Variants in PKP2 observed in about 807,000 individuals in gnomAD.
PKP2 encodes plakophilin-2.
In PKP2, 73 loss-of-function variants were observed where a neutral mutation model predicts 83.4. The observed-to-expected ratio is 0.88, with a 90% CI of 0.72 to 1.06. PKP2 has a LOEUF of 1.06. Ranked by LOEUF, PKP2 falls within the 50% of genes least tolerant of loss-of-function variation. The pLI, the probability that PKP2 is intolerant of heterozygous loss-of-function variation, is 0.00. For synonymous variants in PKP2, 409 were observed against 430.4 expected, an observed-to-expected ratio of 0.95 and a Z score of 0.62; for missense variants, 966 against 1,065.4, an observed-to-expected ratio of 0.91 and a Z score of 1.30.
Position 32,792,271 on chromosome 12 carries a change from A to C in PKP2, c.*153T>G. ...AAAGGTCTTCTGGAAGACTCATAAA[A>C]TTATGTTCTATTTGTTTTCTGGATT... On this transcript the variant is annotated 3_prime_UTR_variant, in exon 13 of 13. Coordinates refer to ENST00000340811, the MANE Select transcript of PKP2 (RefSeq NM_001005242.3). 1 of 709,112 alleles carries C rather than the reference A, an allele frequency of 1.4e-6. No homozygotes were observed. Among genetic ancestry groups the C allele is most frequent in the South Asian group, 1.6e-5 (1 of 64,464 alleles). 43.9% of individuals were successfully genotyped at this position (709,112 alleles called of 1,614,324 possible).
At chr12:32,818,511 A>G (rs995345245) in intron 9 of PKP2, among the ~76,000 whole-genome samples, 21 of 152,338 alleles carry the variant, frequency 1.4e-4, no homozygotes, top group African/African-American at 4.3e-4. Flanking sequence ...AATGACTTTT[A>G]ACTTTTACTA....
At chr12:32,859,537 A>T (rs1956781713) in intron 4 of PKP2, among the ~76,000 whole-genome samples, 1 of 152,032 alleles carries the variant, frequency 6.6e-6, no homozygotes, top group Non-Finnish European at 1.5e-5. Flanking sequence ...GCTCACTGCA[A>T]CCTCTGCCCC....
rs369140281 is a variant in PKP2, at chr12:32,792,375, G to GT, written c.*48dup. 5.5e-3 allele frequency: 7,272 copies of GT among 1,329,874 alleles called. 110 individuals carry two copies. The highest frequency in any genetic ancestry group is 4.2e-3 in the South Asian group (362 of 85,354). 82.4% of individuals were successfully genotyped at this position (1,329,874 alleles called of 1,614,324 possible). On this transcript the variant is annotated 3_prime_UTR_variant, in exon 13 of 13. Transcript: ENST00000340811. Reference sequence around the variant, plus strand: ...CTTGGGCTGGGTAGTAGAAAAATAGGTGTTTTCCTTTGGGGATTTTTGCAG... The same window carrying GT: ...CTTGGGCTGGGTAGTAGAAAAATAGGTTGTTTTCCTTTGGGGATTTTTGCAG...
intron 9 of PKP2, among the ~76,000 whole-genome samples, chr12:32,817,979 C>CT (rs920709701): frequency 1.3e-5 from 2 of 152,106 alleles, no homozygotes; most frequent in Admixed American, 1.3e-4. Context: ...GGGATCTAGG[C>CT]TGTGTGCTCC....
At chr12:32,893,373 G>A (rs1442807247) in intron 1 of PKP2, 1 of 152,146 alleles carries the variant, frequency 6.6e-6, no homozygotes, top group East Asian at 1.9e-4. Flanking sequence ...TTCAACTTGA[G>A]AGACAGGATA....
In PKP2 at chr12:32,850,522, A is replaced by C. The variant is rs565363300; in HGVS notation, c.1378+244T>G. Reference sequence around the variant, plus strand: ...CGGAGGTTGCAGTGAGCTGAGATTGAGTCACTGCACCTCAGCCTGGGTGAT... The same window carrying C: ...CGGAGGTTGCAGTGAGCTGAGATTGCGTCACTGCACCTCAGCCTGGGTGAT... On this transcript the variant is annotated intron_variant, in intron 5 of 12. Transcript: ENST00000340811. Among the ~76,000 whole-genome samples, 5 of 151,794 alleles carry C rather than the reference A, an allele frequency of 3.3e-5. No individual in the cohort carries two copies. The South Asian group carries it at 1.0e-3, about 32-fold the overall frequency.
At chr12:32,882,926 T>G (rs1275786787) in intron 1 of PKP2, among the ~76,000 whole-genome samples, 1 of 152,146 alleles carries the variant, frequency 6.6e-6, no homozygotes, top group African/African-American at 2.4e-5. Flanking sequence ...ATCAAGGCCT[T>G]AGAGGGATTA....
At chr12:32,803,338 G>A (rs549980678) in intron 9 of PKP2, among the ~76,000 whole-genome samples, 4 of 152,234 alleles carry the variant, frequency 2.6e-5, no homozygotes, top group East Asian at 1.9e-4. Context: ...ATGCCACTGC[G>A]CTCAGCCTGG....
At chr12:32,875,720 C>T (rs1956926272) in intron 3 of PKP2, among the ~76,000 whole-genome samples, 1 of 152,058 alleles carries the variant, frequency 6.6e-6, no homozygotes, top group African/African-American at 2.4e-5. Context: ...AAAAATATGG[C>T]TTGGTGATAG....
At chr12:32,850,320 G>A (rs983154312) in intron 5 of PKP2, among the ~76,000 whole-genome samples, 3 of 152,130 alleles carry the variant, frequency 2.0e-5, no homozygotes, top group African/African-American at 4.8e-5. Flanking sequence ...TTGGGAGGCC[G>A]AGGCGGGCGG....
intron 11 of PKP2, among the ~76,000 whole-genome samples, chr12:32,793,682 G>A (rs1053860318): frequency 4.9e-5 from 6 of 123,510 alleles, no homozygotes; most frequent in African/African-American, 1.3e-4. Context: ...TGCAACCTCC[G>A]TCTCCCAGGT....
chr12:32,812,786 G>A (rs1452012486), intron 9 of PKP2, among the ~76,000 whole-genome samples: 1 of 152,150 alleles, frequency 6.6e-6, no homozygotes, highest in African/African-American at 2.4e-5. Context: ...TTACAGGCGT[G>A]AGCCACCGTG....
intron 3 of PKP2, among the ~76,000 whole-genome samples, chr12:32,876,955 C>T (rs1263824027): frequency 6.6e-6 from 1 of 152,190 alleles, no homozygotes; most frequent in African/African-American, 2.4e-5. Context: ...GATTAGCCCT[C>T]ATCATTTTGA....
chr12:32,832,244 G>A (rs1381819885), intron 6 of PKP2, among the ~76,000 whole-genome samples: 1 of 152,034 alleles, frequency 6.6e-6, no homozygotes, highest in Admixed American at 6.6e-5. Context: ...TGGGCGTGGT[G>A]GTGCGCACCT....
intron 4 of PKP2, among the ~76,000 whole-genome samples, chr12:32,865,018 CA>C (rs1239250566): frequency 6.6e-6 from 1 of 152,064 alleles, no homozygotes; most frequent in Admixed American, 6.6e-5. Flanking sequence ...ATGGTATCCT[CA>C]AAAAATCAAT....
chr12:32,888,794 CTTTT>C (rs35583236), intron 1 of PKP2, among the ~76,000 whole-genome samples: 4 of 136,952 alleles, frequency 2.9e-5, no homozygotes, highest in Admixed American at 7.5e-5. Flanking sequence ...CGCCCGGCCT[CTTTT>C]TTTTTTTTTT....
intron 1 of PKP2, among the ~76,000 whole-genome samples, chr12:32,879,719 A>G (rs2137955669): frequency 6.6e-6 from 1 of 151,522 alleles, no homozygotes; most frequent in Middle Eastern, 3.4e-3. Context: ...AATCCCAACT[A>G]TTCGGGAGGC....
At chr12:32,840,330 G>A (rs1020172956) in intron 6 of PKP2, among the ~76,000 whole-genome samples, 4 of 152,120 alleles carry the variant, frequency 2.6e-5, no homozygotes, top group Non-Finnish European at 4.4e-5. Context: ...ACAGGGTCTT[G>A]CTCTGTCACT....
chr12:32,813,399 G>A (rs1956294322), intron 9 of PKP2, among the ~76,000 whole-genome samples: 1 of 152,106 alleles, frequency 6.6e-6, no homozygotes, highest in African/African-American at 2.4e-5. Flanking sequence ...ACTTTAAACT[G>A]AGCCTGCTTA....
Sources: gnomAD v4.1 joint callset for allele counts (sites outside exome capture counted in the v4.1 genomes callset) on GRCh38, gnomAD v4.1.1 for gene constraint, MANE v1.5 for transcripts, NCBI Gene and HGNC (gene_info 2026-07-23, HGNC 2026-07-21) for gene names.